Variants in SLC9A1 observed in about 807,000 individuals in gnomAD.
The protein encoded by SLC9A1 is solute carrier family 9 member A1.
Under a neutral mutation model 67.9 loss-of-function variants are expected in SLC9A1, and 22 were observed. The ratio of observed to expected loss-of-function variants is 0.32; its 90% CI spans 0.23 to 0.46. The LOEUF (loss-of-function observed/expected upper bound fraction) is 0.46. Ranked by LOEUF, SLC9A1 falls within the 20% of genes least tolerant of loss-of-function variation. The pLI is 1.00. For synonymous variants in SLC9A1, 421 were observed against 471.8 expected, an observed-to-expected ratio of 0.89 and a Z score of 1.40; for missense variants, 686 against 1,094.8, an observed-to-expected ratio of 0.63 and a Z score of 5.27.
chr1:27,124,330 T>G (rs972926867), intron 1 of SLC9A1, among the ~76,000 whole-genome samples: 1 of 152,086 alleles, frequency 6.6e-6, no homozygotes, highest in East Asian at 1.9e-4. Context: ...AAAAAAAAAT[T>G]GAGTATACCA....
rs1452207861 is a variant in SLC9A1, at chr1:27,101,546, G to GC, written c.2037+178dup. 6.6e-6 allele frequency among the ~76,000 whole-genome samples: 1 copy of GC among 152,150 alleles called. No homozygotes were observed. Among genetic ancestry groups the GC allele is most frequent in the Non-Finnish European group, 1.5e-5 (1 of 68,028 alleles). Reference sequence around the variant, plus strand: ...CTGCCACTGCCCTAACCCAGGCCATGCCCCACAACCCCACGCCAATCCCTT... The same window carrying GC: ...CTGCCACTGCCCTAACCCAGGCCATGCCCCCACAACCCCACGCCAATCCCTT... On this transcript the variant is annotated intron_variant, in intron 10 of 11. Coordinates refer to ENST00000263980, the MANE Select transcript of SLC9A1 (RefSeq NM_003047.5). This position sits in a 1 kb window ranked among gnomAD's most constrained non-coding sequence, Gnocchi z 4.9.
intron 1 of SLC9A1, among the ~76,000 whole-genome samples, chr1:27,125,635 T>C (rs1387043311): frequency 6.7e-6 from 1 of 149,936 alleles, no homozygotes; most frequent in Non-Finnish European, 1.5e-5. Context: ...CCACTCTGTC[T>C]CCAGGCCGGA....
rs201478450 is a variant in SLC9A1, at chr1:27,101,209, C to T, written c.2104G>A (p.Gly702Ser). The T allele has an allele frequency of 4.2e-5, 68 of 1,610,386 alleles. No individual in the cohort carries two copies. The highest frequency in any genetic ancestry group is 6.7e-5 in the East Asian group (3 of 44,862). ...CCCCTCGCCAGGCCCTTACCTGAGC[C>T]GATGCGGGCCCGAGACATGGTGGGT... ...DSPTMSRARI[G>S]SDPLAYEPKE... is the part of the protein sequence containing the mutation. The change falls in exon 11 of 12, where the codon GGC (glycine) becomes AGC (serine). Residue 702 changes from glycine (G) to serine (S), a missense_variant. Gly to Ser is a moderately conservative substitution (Grantham distance 56). This residue lies in a region of SLC9A1 where 226 missense variants were observed against 282.4 expected (regional missense o/e 0.80). Transcript: ENST00000263980. This position sits in a 1 kb window ranked among gnomAD's most constrained non-coding sequence, Gnocchi z 4.9.
chr1:27,105,840 G>T, intron 5 of SLC9A1, 45 bp downstream of exon 5: 1 of 1,507,542 alleles, frequency 6.6e-7, no homozygotes, highest in East Asian at 2.3e-5. Flanking sequence ...GGAACAGCCT[G>T]TGAGGGTCCC....
intron 1 of SLC9A1, among the ~76,000 whole-genome samples, chr1:27,133,828 G>A (rs912392550): frequency 1.3e-5 from 2 of 150,618 alleles, no homozygotes; most frequent in East Asian, 2.0e-4. Context: ...GCAGTGGCGC[G>A]ATCTCGGCTC....
intron 1 of SLC9A1, among the ~76,000 whole-genome samples, chr1:27,147,734 G>A (rs542700985): frequency 1.1e-4 from 16 of 152,106 alleles, no homozygotes; most frequent in South Asian, 2.1e-4. Context: ...AGTGGCTTAC[G>A]CCTGTAATCC....
chr1:27,154,325 G>A lies in SLC9A1; in HGVS notation c.10C>T (p.Arg4Trp), dbSNP rs1329552189. Residue 4 changes from arginine (R) to tryptophan (W), a missense_variant, in exon 1 of 12, where the codon CGG (arginine) becomes TGG (tryptophan). Arg to Trp is a moderately radical substitution (Grantham distance 101). Around this residue, in one of 7 missense-constraint regions of SLC9A1, gnomAD observed 143 missense variants for 166.7 expected, o/e 0.86. Transcript: ENST00000263980. MVLRSGICGLSPHR... is the reference protein window; with the variant it reads MVLWSGICGLSPHR... Reference sequence around the variant, plus strand: ...GGAGAGAGGCCACAGATGCCAGACCGCAGAACCATGGTGCTGCTTCCAGAG... The same window carrying A: ...GGAGAGAGGCCACAGATGCCAGACCACAGAACCATGGTGCTGCTTCCAGAG... 3.8e-6 allele frequency: 6 copies of A among 1,587,046 alleles called. No homozygotes were observed. The highest frequency in any genetic ancestry group is 5.2e-6 in the Non-Finnish European group (6 of 1,163,844).
At chr1:27,143,526 G>A (rs1001849525) in intron 1 of SLC9A1, among the ~76,000 whole-genome samples, 11 of 152,316 alleles carry the variant, frequency 7.2e-5, no homozygotes, top group African/African-American at 2.4e-4. Context: ...TGAAGCCAGG[G>A]CTCAATGACA....
rs2083161189 is a variant in SLC9A1 at position 27,103,328 on chromosome 1, G to C, written c.1486-16C>G. ...TGGTCATGCCCTGGGGGGCAGGCAG[G>C]TGTCAGGCACTCCAGTTCTGCTACC... On this transcript the variant is annotated splice_polypyrimidine_tract_variant and intron_variant, in intron 5 of 11. Coordinates refer to ENST00000263980, the MANE Select transcript of SLC9A1 (RefSeq NM_003047.5). 6.3e-7 allele frequency: 1 copy of C among 1,590,936 alleles called. No homozygotes were observed.
At chr1:27,104,937 A>G (rs1483865982) in intron 5 of SLC9A1, among the ~76,000 whole-genome samples, 1 of 152,222 alleles carries the variant, frequency 6.6e-6, no homozygotes, top group Non-Finnish European at 1.5e-5. Context: ...GACCTTAGGC[A>G]GGAGAGTGGC....
chr1:27,131,330 C>G (rs570221088), intron 1 of SLC9A1, among the ~76,000 whole-genome samples: 1 of 151,192 alleles, frequency 6.6e-6, no homozygotes, highest in Non-Finnish European at 1.5e-5. Flanking sequence ...TGGTGGCTCA[C>G]GCCTGTACTC....
In SLC9A1 at chr1:27,106,415, T is replaced by G. The variant is rs1315706014; in HGVS notation, c.1283-328A>C. Among the ~76,000 whole-genome samples, 3 of 151,840 alleles carry G rather than the reference T, an allele frequency of 2.0e-5. No homozygotes were observed. Among genetic ancestry groups the G allele is most frequent in the East Asian group, 1.9e-4 (1 of 5,188 alleles). On this transcript the variant is annotated intron_variant, in intron 4 of 11. Coordinates refer to ENST00000263980, the MANE Select transcript of SLC9A1 (RefSeq NM_003047.5). The surrounding 1 kb of genome is among the most constrained non-coding windows in gnomAD (Gnocchi z 4.3). ...ATACTTGTTAAATGTGATGGGTGTG[T>G]GGGGGGTCATGATCCTATTCTCTCT...
intron 1 of SLC9A1, among the ~76,000 whole-genome samples, chr1:27,148,326 G>A (rs2083503391): frequency 1.3e-5 from 2 of 152,134 alleles, no homozygotes; most frequent in Admixed American, 1.3e-4. Context: ...AGAACTTGGA[G>A]CTGAGCCAAA....
chr1:27,144,495 G>T (rs1030385844), intron 1 of SLC9A1, among the ~76,000 whole-genome samples: 1 of 152,168 alleles, frequency 6.6e-6, no homozygotes, highest in Non-Finnish European at 1.5e-5. Flanking sequence ...TGTGAGTGTC[G>T]CTCCCAGCGA....
intron 1 of SLC9A1, among the ~76,000 whole-genome samples, chr1:27,136,962 T>C (rs753779687): frequency 5.3e-5 from 8 of 152,204 alleles, no homozygotes; most frequent in Non-Finnish European, 8.8e-5. Flanking sequence ...TCCAAGGCCC[T>C]CTTGATCTGT....
chr1:27,101,808 G>C lies in SLC9A1; in HGVS notation c.1954C>G (p.His652Asp). The change falls in exon 10 of 12, where the codon CAC (histidine) becomes GAC (aspartate). Residue 652 changes from histidine to aspartate, a missense_variant. Coordinates refer to ENST00000263980, the MANE Select transcript of SLC9A1 (RefSeq NM_003047.5). The surrounding 1 kb of genome is among the most constrained non-coding windows in gnomAD (Gnocchi z 4.9). ...TRQRLRSYNR[H>D]TLVADPYEEA... ...TCGTAGGGGTCTGCCACCAGCGTGT[G>C]TCTGTTGTAGGACCGCAGCTGTGGG... The C allele has an allele frequency of 6.2e-7, 1 of 1,612,286 alleles. No individual in the cohort carries two copies. Among genetic ancestry groups the C allele is most frequent in the Non-Finnish European group, 8.5e-7 (1 of 1,179,696 alleles).
At chr1:27,122,572 G>C (rs2083311596) in intron 1 of SLC9A1, among the ~76,000 whole-genome samples, 1 of 152,098 alleles carries the variant, frequency 6.6e-6, no homozygotes, top group Non-Finnish European at 1.5e-5. Flanking sequence ...GCCTCAGAGG[G>C]TCCCCTGACC....
At chr1:27,134,130 C>T (rs949706408) in intron 1 of SLC9A1, among the ~76,000 whole-genome samples, 1 of 152,128 alleles carries the variant, frequency 6.6e-6, no homozygotes, top group Non-Finnish European at 1.5e-5. Flanking sequence ...AGAAGTGAGT[C>T]GGTCAGAGCT....
chr1:27,131,977 T>TAA (rs1491150935), intron 1 of SLC9A1, among the ~76,000 whole-genome samples: 5 of 116,638 alleles, frequency 4.3e-5, no homozygotes, highest in Non-Finnish European at 7.2e-5. Context: ...TATATATATA[T>TAA]AAAATTATGG....
Sources: allele counts gnomAD v4.1 joint callset (sites outside exome capture counted in the v4.1 genomes callset), GRCh38; gene constraint gnomAD v4.1.1; regional missense constraint gnomAD v4.1.1; non-coding constraint Gnocchi (gnomAD v3.1); transcripts MANE v1.5; gene names NCBI Gene and HGNC (gene_info 2026-07-23, HGNC 2026-07-21).